The following SEC23A variants were observed in gnomAD, a reference collection of about 807,000 sequenced individuals.
SEC23A encodes the protein protein transport protein Sec23A.
In SEC23A, 56 loss-of-function variants were observed where a neutral mutation model predicts 103.7. The observed-to-expected ratio is 0.54, with a 90% CI of 0.44 to 0.67. The LOEUF is 0.67. SEC23A is among the 30% of genes least tolerant of loss of function. The pLI is 0.00. For synonymous variants in SEC23A, 281 were observed against 293.0 expected, an observed-to-expected ratio of 0.96 and a Z score of 0.42; for missense variants, 784 against 936.4, an observed-to-expected ratio of 0.84 and a Z score of 2.12.
In SEC23A at chr14:39,045,340, G is replaced by A. The variant is rs763069578; in HGVS notation, c.1738-16C>T. 23 of 1,584,772 alleles carry A rather than the reference G, an allele frequency of 1.5e-5. No individual in the cohort carries two copies. The highest frequency in any genetic ancestry group is 9.0e-5 in the East Asian group (4 of 44,592). On this transcript the variant is annotated splice_polypyrimidine_tract_variant and intron_variant, in intron 15 of 19. Coordinates refer to ENST00000307712, the MANE Select transcript of SEC23A (RefSeq NM_006364.4). The stretch of plus-strand genomic sequence containing the variant: ...GAAACATAAACTGTAAGATAAACAC[G>A]TAAGATAGTTGTTACTGATTTTAAT...
Position 39,091,689 on chromosome 14 carries a change from A to C in SEC23A, c.391T>G (p.Phe131Val). The C allele has an allele frequency of 6.2e-7, 1 of 1,613,898 alleles. No homozygotes were observed. The highest frequency in any genetic ancestry group is 8.5e-7 in the Non-Finnish European group (1 of 1,179,818). ...ATGCAAGTATCAACCACATAGAGGA[A>C]TATCAAAGGCATCTGAGGACCACGC... The part of the protein sequence containing the change: ...VLRGPQMPLI[F>V]LYVVDTCMED... The change falls in exon 5 of 20, where the codon TTC (phenylalanine) becomes GTC (valine). Residue 131 changes from phenylalanine to valine, a missense_variant. Coordinates refer to ENST00000307712, the MANE Select transcript of SEC23A (RefSeq NM_006364.4).
intron 9 of SEC23A, among the ~76,000 whole-genome samples, chr14:39,069,295 A>G (rs1178193408): frequency 1.3e-5 from 2 of 152,178 alleles, no homozygotes; most frequent in Admixed American, 6.5e-5. Context: ...GTCAGATCAT[A>G]AAACTCCTCT....
intron 14 of SEC23A, among the ~76,000 whole-genome samples, chr14:39,050,010 C>A (rs906425893): frequency 6.6e-6 from 1 of 151,918 alleles, no homozygotes; most frequent in Non-Finnish European, 1.5e-5. Flanking sequence ...CCTCATGATC[C>A]GCCCGTCTCG....
chr14:39,092,851 G>A, intron 3 of SEC23A: 1 of 498,942 alleles, frequency 2.0e-6, no homozygotes, highest in East Asian at 3.7e-5. Context: ...TTTTTCATTT[G>A]TTTGTTTGTT....
chr14:39,046,554 C>T (rs1047023086), intron 15 of SEC23A, among the ~76,000 whole-genome samples: 15 of 151,956 alleles, frequency 9.9e-5, no homozygotes, highest in African/African-American at 3.6e-4. Context: ...AACATGAGAA[C>T]GAATACCATG....
chr14:39,082,562 C>T (rs559037128), intron 7 of SEC23A, among the ~76,000 whole-genome samples: 15 of 152,156 alleles, frequency 9.9e-5, no homozygotes, highest in Non-Finnish European at 2.1e-4. Flanking sequence ...AAGTTAACAT[C>T]AGCAGTAATG....
intron 14 of SEC23A, among the ~76,000 whole-genome samples, chr14:39,049,312 C>T (rs1885960965): frequency 6.6e-6 from 1 of 151,896 alleles, no homozygotes; most frequent in African/African-American, 2.4e-5. Context: ...CGCATCTCTA[C>T]TAAAAATACA....
chr14:39,074,829 T>A (rs933891300), intron 8 of SEC23A, among the ~76,000 whole-genome samples: 6 of 152,180 alleles, frequency 3.9e-5, no homozygotes, highest in Admixed American at 1.3e-4. Context: ...AACAACAGGC[T>A]GGGCGTGGTG....
At chr14:39,034,667 T>A (rs917653971) in intron 19 of SEC23A, among the ~76,000 whole-genome samples, 16 of 152,230 alleles carry the variant, frequency 1.1e-4, no homozygotes, top group Non-Finnish European at 5.9e-5. Flanking sequence ...GATTTCCTAA[T>A]TTATATACCA....
intron 16 of SEC23A, among the ~76,000 whole-genome samples, chr14:39,044,442 T>C (rs911002464): frequency 6.6e-6 from 1 of 151,238 alleles, no homozygotes; most frequent in African/African-American, 2.5e-5. Context: ...CGAAATAAAA[T>C]ATTTTACCCA....
intron 17 of SEC23A, 47 bp from the exon 18 acceptor site, chr14:39,040,934 C>T: frequency 6.5e-7 from 1 of 1,546,824 alleles, no homozygotes; most frequent in Non-Finnish European, 8.7e-7. Flanking sequence ...TCTTGCCCAT[C>T]CAAAAATCTT....
chr14:39,076,470 G>T, intron 7 of SEC23A, among the ~76,000 whole-genome samples: 1 of 141,952 alleles, frequency 7.0e-6, no homozygotes, highest in Non-Finnish European at 1.5e-5. Context: ...GTCTCACCAT[G>T]TTGCCAGTGC....
In SEC23A at chr14:39,063,367, C is replaced by CT. The variant is rs757367155; in HGVS notation, c.1354dup (p.Ser452LysfsTer11). ...ATATATGGCTAAGGTTGTAGTGGGA[C>CT]TAAGTCCACATATCTTCCACTGACA... On this transcript the variant is annotated frameshift_variant, in exon 12 of 20. Coordinates refer to ENST00000307712, the MANE Select transcript of SEC23A (RefSeq NM_006364.4). LOFTEE classifies it high-confidence loss of function. The CT allele has an allele frequency of 3.7e-6, 6 of 1,612,600 alleles. No homozygotes were observed. Among genetic ancestry groups the CT allele is most frequent in the Non-Finnish European group, 5.1e-6 (6 of 1,178,874 alleles).
At chr14:39,060,486 C>A (rs1886438515) in intron 13 of SEC23A, among the ~76,000 whole-genome samples, 1 of 152,114 alleles carries the variant, frequency 6.6e-6, no homozygotes, top group Non-Finnish European at 1.5e-5. Flanking sequence ...ATTGTCGAGA[C>A]CATGACTAAA....
rs1887878975 is a variant in SEC23A, at chr14:39,096,087, T to C, written c.32A>G (p.Asn11Ser). 6.2e-7 allele frequency: 1 copy of C among 1,613,896 alleles called. No homozygotes were observed. Among genetic ancestry groups the C allele is most frequent in the Non-Finnish European group, 8.5e-7 (1 of 1,179,760 alleles). Reference sequence around the variant, plus strand: ...AAATCGGACTCCATCTCGTTCTTCATTTTGTTGAATGAATTCCAAATAGGT... The same window carrying C: ...AAATCGGACTCCATCTCGTTCTTCACTTTGTTGAATGAATTCCAAATAGGT... MTTYLEFIQQ[N>S]EERDGVRFSW... The change falls in exon 2 of 20, where the codon AAT becomes AGT. Residue 11 changes from asparagine to serine, a missense_variant. This residue lies in a region of SEC23A where 683 missense variants were observed against 774.2 expected (regional missense o/e 0.88). Coordinates refer to ENST00000307712, the MANE Select transcript of SEC23A (RefSeq NM_006364.4).
At chr14:39,077,547 AG>A (rs1381146480) in intron 7 of SEC23A, among the ~76,000 whole-genome samples, 2 of 151,948 alleles carry the variant, frequency 1.3e-5, no homozygotes, top group Non-Finnish European at 2.9e-5. Flanking sequence ...GTCAAAAAAA[AG>A]AAAGAAAGAG....
rs553205933 is a variant in SEC23A, at chr14:39,032,167, C to G, written c.*1072G>C. On this transcript the variant is annotated 3_prime_UTR_variant, in exon 20 of 20. Coordinates refer to ENST00000307712, the MANE Select transcript of SEC23A (RefSeq NM_006364.4). ...TGTAAATTTCATTGTCAAAACATAT[C>G]TGGCTTTATCAATGTAAACATATTT... 2 of 152,654 alleles carry G rather than the reference C, an allele frequency of 1.3e-5. No individual in the cohort carries two copies. Among genetic ancestry groups the G allele is most frequent in the South Asian group, 2.1e-4 (1 of 4,824 alleles). 9.5% of individuals were successfully genotyped at this position (152,654 alleles called of 1,614,324 possible).
At chr14:39,045,810 T>A (rs1002596517) in intron 15 of SEC23A, among the ~76,000 whole-genome samples, 26 of 152,260 alleles carry the variant, frequency 1.7e-4, no homozygotes, top group African/African-American at 6.0e-4. Flanking sequence ...TTTGGGCTTT[T>A]TTATTACTAC....
intron 1 of SEC23A, among the ~76,000 whole-genome samples, chr14:39,097,224 T>C (rs940052746): frequency 1.3e-5 from 2 of 152,216 alleles, no homozygotes; most frequent in Admixed American, 1.3e-4. Context: ...AATGCCTAGG[T>C]AGGATGCCGG....
Sources: allele counts gnomAD v4.1 joint callset (sites outside exome capture counted in the v4.1 genomes callset), GRCh38; gene constraint gnomAD v4.1.1; regional missense constraint gnomAD v4.1.1; transcripts MANE v1.5; gene names NCBI Gene and HGNC (gene_info 2026-07-23, HGNC 2026-07-21).